Variants in DNAL1 observed in about 807,000 individuals in gnomAD.
The protein encoded by DNAL1 is dynein axonemal light chain 1.
DNAL1 carries 17 observed loss-of-function variants against 29.4 expected under a neutral mutation model. That is an observed-to-expected ratio of 0.58 (90% CI 0.40 to 0.87). DNAL1 has a LOEUF of 0.87. DNAL1 is among the 40% of genes least tolerant of loss of function. DNAL1 has a pLI of 0.00. For synonymous variants in DNAL1, 78 were observed against 76.3 expected, an observed-to-expected ratio of 1.02 and a Z score of -0.12; for missense variants, 188 against 214.1, an observed-to-expected ratio of 0.88 and a Z score of 0.76.
chr14:73,685,705 G>A lies in DNAL1; in HGVS notation c.265-1554G>A, dbSNP rs538415839. ...TCAAACTCCTGACCTAAGGTGAGCCGCCCGCCTTGGCTTCCCAAAGTATTG... is the reference window on the plus strand; with the variant it reads ...TCAAACTCCTGACCTAAGGTGAGCCACCCGCCTTGGCTTCCCAAAGTATTG... On this transcript the variant is annotated intron_variant, in intron 5 of 7. Coordinates refer to ENST00000553645, the MANE Select transcript of DNAL1 (RefSeq NM_031427.4). 7.9e-5 allele frequency among the ~76,000 whole-genome samples: 12 copies of A among 152,120 alleles called. 1 individual carries two copies. The South Asian group carries it at 1.9e-3, about 24-fold the overall frequency.
At chr14:73,650,400 A>G (rs1891087977) in intron 1 of DNAL1, among the ~76,000 whole-genome samples, 1 of 152,082 alleles carries the variant, frequency 6.6e-6, no homozygotes, top group Admixed American at 6.6e-5. Flanking sequence ...GTGGAACCTG[A>G]GGATATGGAG....
chr14:73,668,385 T>C (rs1374499876), intron 4 of DNAL1, among the ~76,000 whole-genome samples: 1 of 152,222 alleles, frequency 6.6e-6, no homozygotes, highest in Non-Finnish European at 1.5e-5. Context: ...CGAATAAGCG[T>C]TTAATTCTTC....
intron 5 of DNAL1, among the ~76,000 whole-genome samples, chr14:73,686,015 C>T (rs1175238029): frequency 2.0e-5 from 3 of 152,034 alleles, no homozygotes; most frequent in Admixed American, 6.6e-5. Flanking sequence ...TTTTAAGGAA[C>T]GGCCAAATTG....
At chr14:73,669,779 C>G (rs1891574804) in intron 4 of DNAL1, among the ~76,000 whole-genome samples, 1 of 152,062 alleles carries the variant, frequency 6.6e-6, no homozygotes, top group African/African-American at 2.4e-5. Flanking sequence ...TATTCTGATA[C>G]TAGGGATTAG....
chr14:73,691,846 A>ACCC (rs775100350), intron 7 of DNAL1, among the ~76,000 whole-genome samples: 43 of 102,998 alleles, frequency 4.2e-4, no homozygotes, highest in African/African-American at 1.6e-3. Context: ...GGCGTGCGCC[A>ACCC]CCCCCCCCCC....
intron 6 of DNAL1, 91 bp from the exon 7 acceptor site, chr14:73,689,284 G>A: frequency 1.4e-6 from 2 of 1,460,100 alleles, no homozygotes; most frequent in Non-Finnish European, 1.9e-6. Context: ...CGCCCGCCTT[G>A]TCCCCCCAAA....
intron 5 of DNAL1, among the ~76,000 whole-genome samples, chr14:73,677,697 C>T (rs1423615516): frequency 6.7e-6 from 1 of 150,256 alleles, no homozygotes; most frequent in Admixed American, 6.7e-5. Flanking sequence ...GCTGGGACTA[C>T]AGGCGCCCGC....
intron 1 of DNAL1, among the ~76,000 whole-genome samples, chr14:73,648,059 C>T (rs1891019452): frequency 6.6e-6 from 1 of 151,978 alleles, no homozygotes; most frequent in Non-Finnish European, 1.5e-5. Context: ...CTCACTGCAG[C>T]CTCTGCCCCT....
intron 5 of DNAL1, among the ~76,000 whole-genome samples, chr14:73,685,521 G>A (rs115021701): frequency 0.01 from 1,510 of 149,560 alleles, 26 homozygotes; most frequent in African/African-American, 0.035. Flanking sequence ...GTGCAGTTGC[G>A]CAATTTTGGC....
At chr14:73,689,744 G>A (rs986772595) in intron 7 of DNAL1, among the ~76,000 whole-genome samples, 6 of 152,122 alleles carry the variant, frequency 3.9e-5, no homozygotes, top group Non-Finnish European at 7.4e-5. Context: ...TTATAAGAAA[G>A]CTAGGCCTGG....
intron 4 of DNAL1, among the ~76,000 whole-genome samples, chr14:73,671,032 G>A (rs565463065): frequency 7.9e-5 from 12 of 152,146 alleles, no homozygotes; most frequent in South Asian, 4.2e-4. Context: ...CACCACGCCC[G>A]GCCAGGCATT....
intron 1 of DNAL1, among the ~76,000 whole-genome samples, chr14:73,650,574 G>A (rs1310478157): frequency 6.6e-6 from 1 of 152,134 alleles, no homozygotes; most frequent in East Asian, 1.9e-4. Flanking sequence ...TCTCCATTAA[G>A]TATGGTGTTT....
chr14:73,663,597 C>T (rs1249548054), intron 4 of DNAL1, among the ~76,000 whole-genome samples: 1 of 152,090 alleles, frequency 6.6e-6, no homozygotes, highest in Non-Finnish European at 1.5e-5. Context: ...TTAATTTAGG[C>T]TCATGACCCA....
intron 2 of DNAL1, 64 bp from the exon 3 acceptor site, chr14:73,658,783 C>G: frequency 8.2e-7 from 1 of 1,220,178 alleles, no homozygotes. Flanking sequence ...TTAGGAAATT[C>G]TGGCCTCTTT....
At chr14:73,664,643 T>G (rs1490744917) in intron 4 of DNAL1, among the ~76,000 whole-genome samples, 1 of 152,028 alleles carries the variant, frequency 6.6e-6, no homozygotes, top group Non-Finnish European at 1.5e-5. Context: ...CTGAGGCAGG[T>G]GGATCACTTA....
intron 7 of DNAL1, among the ~76,000 whole-genome samples, chr14:73,693,643 T>C (rs1892227677): frequency 2.0e-5 from 3 of 151,852 alleles, no homozygotes; most frequent in Admixed American, 6.6e-5. Flanking sequence ...TCTGGGAGTT[T>C]GAGGCTGTAA....
intron 5 of DNAL1, among the ~76,000 whole-genome samples, chr14:73,686,002 ATTT>A (rs553315646): frequency 1.1e-3 from 163 of 152,240 alleles, no homozygotes; most frequent in Admixed American, 2.2e-3. Context: ...ATGATAATTA[ATTT>A]TTTAAGGAAC....
chr14:73,681,767 C>T (rs1397687561), intron 5 of DNAL1, among the ~76,000 whole-genome samples: 4 of 150,184 alleles, frequency 2.7e-5, no homozygotes, highest in African/African-American at 9.9e-5. Flanking sequence ...TGCACTCCAG[C>T]CTGGACAACA....
chr14:73,648,675 A>G (rs2140021695), intron 1 of DNAL1, among the ~76,000 whole-genome samples: 1 of 150,950 alleles, frequency 6.6e-6, no homozygotes, highest in Non-Finnish European at 1.5e-5. Flanking sequence ...TCGGCCTCCC[A>G]AAATGCTGGG....
Sources: gnomAD v4.1 joint callset for allele counts (sites outside exome capture counted in the v4.1 genomes callset) on GRCh38, gnomAD v4.1.1 for gene constraint, MANE v1.5 for transcripts, NCBI Gene and HGNC (gene_info 2026-07-23, HGNC 2026-07-21) for gene names.